Variants in ABAT observed in about 807,000 individuals in gnomAD.
The protein encoded by ABAT is 4-aminobutyrate aminotransferase, mitochondrial.
ABAT carries 45 observed loss-of-function variants against 64.6 expected under a neutral mutation model. That is an observed-to-expected ratio of 0.70 (90% confidence interval 0.55 to 0.89). ABAT has a LOEUF of 0.89. ABAT is among the 40% of genes least tolerant of loss of function. ABAT has a pLI of 0.00. For synonymous variants in ABAT, 297 were observed against 250.5 expected (o/e 1.19, Z -1.75); for missense variants, 633 against 658.4 (o/e 0.96, Z 0.42).
Position 8,766,359 on chromosome 16 carries a change from A to G in ABAT, c.603+89A>G, listed in dbSNP as rs2059943520. On this transcript the variant is annotated intron_variant, in intron 9 of 15. Transcript: ENST00000268251. ...TGCTGGCTGGCTGGCACTGTCCTCAATTAGGAAGGGCCAGGCCAGGCGCGG... is the reference window on the plus strand; with the variant it reads ...TGCTGGCTGGCTGGCACTGTCCTCAGTTAGGAAGGGCCAGGCCAGGCGCGG... The G allele has an allele frequency of 3.0e-6, 4 of 1,344,006 alleles. No homozygotes were observed. The African/African-American group carries it at 4.3e-5, about 14-fold the overall frequency. 83.3% of individuals were successfully genotyped at this position (1,344,006 alleles called of 1,614,324 possible). A position where few individuals can be genotyped will look rare whatever the true frequency, so the allele number is the denominator to read the frequency against.
rs565340439 is a variant in ABAT at position 8,737,530 on chromosome 16, A to G, written c.70+1721A>G. The stretch of plus-strand genomic sequence containing the variant: ...TATTTTTTAAAAATTTTAGATTTAC[A>G]GAGAAGTTACAAAGATATTACAGGG... On this transcript the variant is annotated intron_variant, in intron 2 of 15. Coordinates refer to ENST00000268251, the MANE Select transcript of ABAT (RefSeq NM_020686.6). 10 of 151,950 alleles carry G rather than the reference A, an allele frequency of 6.6e-5. No individual in the cohort carries two copies. The South Asian group carries it at 2.1e-3, about 32-fold the overall frequency. The allele number at this position is 151,950 out of a possible 1,614,324, so 9.4% of individuals were successfully genotyped here.
chr16:8,751,912 C>A (rs778272922), intron 5 of ABAT, among the ~76,000 whole-genome samples: 1 of 152,224 alleles, frequency 6.6e-6, no homozygotes, highest in Non-Finnish European at 1.5e-5. Flanking sequence ...CTATTTGCAG[C>A]TTGGATGGTT....
At chr16:8,763,496 G>C (rs2059855132) in intron 6 of ABAT, among the ~76,000 whole-genome samples, 1 of 152,250 alleles carries the variant, frequency 6.6e-6, no homozygotes, top group African/African-American at 2.4e-5. Context: ...ATACAGTGAT[G>C]CTGGTTTTTG....
Position 8,776,228 on chromosome 16 carries a change from T to C in ABAT, c.1123-116T>C. ...TGTTCCCCTGCCAGCCTCTGGTAGA[T>C]GCCCACTAGATTAGTTTCTCTCCTC... is the stretch of plus-strand genomic sequence containing the variant. On this transcript the variant is annotated intron_variant, in intron 13 of 15. Coordinates refer to ENST00000268251, the MANE Select transcript of ABAT (RefSeq NM_020686.6). The surrounding 1 kb of genome is among the most constrained non-coding windows in gnomAD (Gnocchi z 4.4). 2.1e-6 allele frequency: 3 copies of C among 1,407,038 alleles called. No individual in the cohort carries two copies. The highest frequency in any genetic ancestry group is 2.0e-6 in the Non-Finnish European group (2 of 1,004,422). The allele number at this position is 1,407,038 out of a possible 1,614,324, so 87.2% of individuals were successfully genotyped here.
At chr16:8,780,866 G>A (rs528113882) in intron 15 of ABAT, 55 of 368,124 alleles carry the variant, frequency 1.5e-4, no homozygotes, top group South Asian at 4.4e-4. Context: ...TCCCTCCTCC[G>A]TAATAGCTCA....
At chr16:8,749,169 C>A (rs1341295530) in intron 4 of ABAT, among the ~76,000 whole-genome samples, 1 of 151,108 alleles carries the variant, frequency 6.6e-6, no homozygotes, top group African/African-American at 2.4e-5. Context: ...CTCACAGCAA[C>A]CTCTGCCTTC....
chr16:8,738,240 G>C (rs984432611), intron 2 of ABAT, among the ~76,000 whole-genome samples: 5 of 151,896 alleles, frequency 3.3e-5, no homozygotes, highest in African/African-American at 1.2e-4. Flanking sequence ...AGGATTGCTT[G>C]AGCCTGGGAG....
chr16:8,750,560 C>T (rs980380056), intron 5 of ABAT, 21 bp downstream of exon 5: 1 of 1,599,714 alleles, frequency 6.3e-7, no homozygotes, highest in Non-Finnish European at 8.6e-7. Context: ...GGAAATCATT[C>T]CTTGGATATA....
At chr16:8,771,169 C>G (rs970153286) in intron 11 of ABAT, among the ~76,000 whole-genome samples, 24 of 151,966 alleles carry the variant, frequency 1.6e-4, no homozygotes, top group African/African-American at 5.6e-4. Flanking sequence ...GTGGTGCATG[C>G]CTGTAATCCC....
intron 1 of ABAT, among the ~76,000 whole-genome samples, chr16:8,701,490 G>C (rs1266804658): frequency 6.6e-6 from 1 of 152,226 alleles, no homozygotes; most frequent in East Asian, 1.9e-4. Context: ...CTCTGGAACA[G>C]TCCCCGATGG....
In ABAT at chr16:8,776,606, C is replaced by G. The variant is rs369800505; in HGVS notation, c.1269+116C>G. ...TGCCTGCTGTTCCAGCAGTTCGTAA[C>G]GGGCTGTGCTGCTCCTAGCCTTGGG... is the stretch of plus-strand genomic sequence containing the variant. On this transcript the variant is annotated intron_variant, in intron 14 of 15. Coordinates refer to ENST00000268251, the MANE Select transcript of ABAT (RefSeq NM_020686.6). The surrounding 1 kb of genome is among the most constrained non-coding windows in gnomAD (Gnocchi z 4.4). 1.4e-4 allele frequency: 159 copies of G among 1,139,276 alleles called. No homozygotes were observed. The highest frequency in any genetic ancestry group is 1.8e-4 in the African/African-American group (12 of 65,064). The allele number at this position is 1,139,276 out of a possible 1,614,324, so 70.6% of individuals were successfully genotyped here.
chr16:8,769,738 C>G (rs564093600), intron 11 of ABAT, among the ~76,000 whole-genome samples: 3 of 152,250 alleles, frequency 2.0e-5, no homozygotes, highest in East Asian at 1.9e-4. Flanking sequence ...GCAGCACCCC[C>G]CTACCCCCCG....
At chr16:8,752,377 AC>A (rs2059514850) in intron 5 of ABAT, among the ~76,000 whole-genome samples, 1 of 151,904 alleles carries the variant, frequency 6.6e-6, no homozygotes, top group East Asian at 1.9e-4. Context: ...ACTGTGACCC[AC>A]CCCCGAGGAC....
At chr16:8,710,660 A>T (rs1255713407) in intron 1 of ABAT, among the ~76,000 whole-genome samples, 1 of 136,036 alleles carries the variant, frequency 7.4e-6, no homozygotes, top group Non-Finnish European at 1.6e-5. Context: ...AGATCACTTG[A>T]GTCCAGGAGG....
chr16:8,757,309 A>C (rs1007793027), intron 5 of ABAT: 19 of 379,346 alleles, frequency 5.0e-5, no homozygotes, highest in African/African-American at 1.1e-4. Context: ...CTGGGATTAC[A>C]GGCACGTGCT....
At chr16:8,770,824 T>C (rs1469538900) in intron 11 of ABAT, among the ~76,000 whole-genome samples, 2 of 152,228 alleles carry the variant, frequency 1.3e-5, no homozygotes, top group Admixed American at 1.3e-4. Context: ...ATTCAAAATA[T>C]TATCACGTAA....
rs559183820 is a variant in ABAT at position 8,675,196 on chromosome 16, G to A, written c.-42+485G>A. Among the ~76,000 whole-genome samples the A allele has an allele frequency of 2.0e-5, 3 of 151,948 alleles. No homozygotes were observed. The East Asian group carries it at 5.9e-4, about 30-fold the overall frequency. The stretch of plus-strand genomic sequence containing the variant: ...CCCCATCATAAGACAAGGAAATCCC[G>A]GAGCAGAGACTCTGCAAGTCACCCT... On this transcript the variant is annotated intron_variant, in intron 1 of 15. Transcript: ENST00000268251.
At position 8,764,590 on chromosome 16, in the gene ABAT, C is replaced by T; in HGVS notation, c.448-148C>T. The T allele has an allele frequency of 1.3e-6, 1 of 787,464 alleles. No homozygotes were observed. The highest frequency in any genetic ancestry group is 2.1e-6 in the Non-Finnish European group (1 of 465,950). 48.8% of individuals were successfully genotyped at this position (787,464 alleles called of 1,614,324 possible). ...TCCGCCACCCCTGGAAAAGCCTGAG[C>T]CCACCCTCCCAGTCCGACACCTTCC... On this transcript the variant is annotated intron_variant, in intron 7 of 15. Transcript: ENST00000268251. This position sits in a 1 kb window ranked among gnomAD's most constrained non-coding sequence, Gnocchi z 4.2.
At chr16:8,762,972 G>A (rs748398073) in intron 6 of ABAT, among the ~76,000 whole-genome samples, 2 of 151,240 alleles carry the variant, frequency 1.3e-5, no homozygotes, top group East Asian at 1.9e-4. Flanking sequence ...AGCTGGGTGC[G>A]GTGGCATGTG....
Sources: allele counts gnomAD v4.1 joint callset (sites outside exome capture counted in the v4.1 genomes callset), GRCh38; gene constraint gnomAD v4.1.1; non-coding constraint Gnocchi (gnomAD v3.1); transcripts MANE v1.5; gene names NCBI Gene and HGNC (gene_info 2026-07-23, HGNC 2026-07-21).